The following EBF4 variants were observed in gnomAD, a reference collection of about 807,000 sequenced individuals.
The protein encoded by EBF4 is transcription factor COE4.
Under a neutral mutation model 67.1 loss-of-function variants are expected in EBF4, and 34 were observed. The observed-to-expected ratio is 0.51, with a 90% CI of 0.39 to 0.67. The LOEUF (loss-of-function observed/expected upper bound fraction) is 0.67, where lower values mean the gene tolerates loss of function less well. EBF4 is among the 30% of genes least tolerant of loss of function. EBF4 has a pLI of 0.00. For synonymous variants in EBF4, 387 were observed against 377.7 expected, an observed-to-expected ratio of 1.02 and a Z score of -0.29; for missense variants, 837 against 873.3, an observed-to-expected ratio of 0.96 and a Z score of 0.52.
exon 9 of EBF4, chr20:2,749,739 C>T: frequency 6.5e-7 from 1 of 1,545,414 alleles, no homozygotes; most frequent in Non-Finnish European, 8.7e-7. Flanking sequence ...CGGAAACGTG[C>T]TCGTGTGGAG....
chr20:2,757,496 C>T (rs2088263164), intron 15 of EBF4, among the ~76,000 whole-genome samples: 1 of 152,300 alleles, frequency 6.6e-6, no homozygotes, highest in Non-Finnish European at 1.5e-5. Context: ...GTGACCCATC[C>T]AGAGGGTAGC....
chr20:2,711,014 G>A (rs996240705), intron 6 of EBF4, among the ~76,000 whole-genome samples: 1 of 151,978 alleles, frequency 6.6e-6, no homozygotes, highest in African/African-American at 2.4e-5. Context: ...TGGGCATGGT[G>A]GTGTACATCT....
chr20:2,715,319 A>T (rs994120792), intron 6 of EBF4, among the ~76,000 whole-genome samples: 1 of 152,190 alleles, frequency 6.6e-6, no homozygotes, highest in Admixed American at 6.5e-5. Flanking sequence ...TAAATTCAGC[A>T]TATTTCTAAG....
intron 6 of EBF4, among the ~76,000 whole-genome samples, chr20:2,740,743 A>T (rs780836558): frequency 3.0e-4 from 46 of 152,030 alleles, no homozygotes; most frequent in Non-Finnish European, 5.7e-4. Context: ...GTATAGAGGG[A>T]GTTTAACAAG....
intron 6 of EBF4, among the ~76,000 whole-genome samples, chr20:2,724,277 C>T (rs980166172): frequency 6.6e-6 from 1 of 152,214 alleles, no homozygotes; most frequent in Non-Finnish European, 1.5e-5. Flanking sequence ...CACTACTGAT[C>T]TTAGGCCATT....
chr20:2,709,538 G>T, intron 5 of EBF4, 36 bp from the exon 6 acceptor site: 1 of 1,532,348 alleles, frequency 6.5e-7, no homozygotes. Flanking sequence ...TCCTTCCTTG[G>T]CTTCTGCCTT....
In EBF4 at chr20:2,707,988, C is replaced by A. The variant is rs771802381; in HGVS notation, c.456C>A (p.Cys152Ter). Reference sequence around the variant, plus strand: ...GGCAGGACAAGAACCCCGAAATGTGCCGAGTGCTGCTCACCCATGAGATCA... The same window carrying A: ...GGCAGGACAAGAACCCCGAAATGTGACGAGTGCTGCTCACCCATGAGATCA... Residue 152 changes from cysteine (C) to a stop codon, truncating the protein, a stop_gained, in exon 5 of 17, where the codon TGC (cysteine) becomes TGA (stop). Coordinates refer to ENST00000609451, the Ensembl canonical transcript of EBF4. LOFTEE classifies it high-confidence loss of function. This position sits in a 1 kb window ranked among gnomAD's most constrained non-coding sequence, Gnocchi z 4.6. The A allele has an allele frequency of 6.2e-7, 1 of 1,608,904 alleles. No individual in the cohort carries two copies. Among genetic ancestry groups the A allele is most frequent in the Non-Finnish European group, 8.5e-7 (1 of 1,177,346 alleles).
In EBF4 at chr20:2,693,680, G is replaced by A. The variant is rs2087245176; in HGVS notation, c.35G>A (p.Gly12Glu). ...GCGCAGGACGCTCTGCCCCGCAGCG[G>A]GCTGAACCTGAAGGAGGAGCCGCTG... is the stretch of plus-strand genomic sequence containing the variant. Residue 12 changes from glycine (G) to glutamate (E), a missense_variant, in exon 1 of 17, where the codon GGG becomes GAG. Physicochemically the swap from Gly to Glu is moderately conservative, Grantham distance 98. Around this residue, in one of 3 missense-constraint regions of EBF4, gnomAD observed 86 missense variants for 70.3 expected, o/e 1.22. Coordinates refer to ENST00000609451, the Ensembl canonical transcript of EBF4. This position sits in a 1 kb window ranked among gnomAD's most constrained non-coding sequence, Gnocchi z 4.6. The A allele has an allele frequency of 6.9e-7, 1 of 1,441,570 alleles. No homozygotes were observed. The highest frequency in any genetic ancestry group is 9.1e-7 in the Non-Finnish European group (1 of 1,103,350). 89.3% of individuals were successfully genotyped at this position (1,441,570 alleles called of 1,614,324 possible). A position where few individuals can be genotyped will look rare whatever the true frequency, so the allele number is the denominator to read the frequency against.
At chr20:2,693,541 C>A, upstream of EBF4, 1 of 1,266,316 alleles carries the variant, frequency 7.9e-7, no homozygotes, top group Non-Finnish European at 1.0e-6. This position sits in a 1 kb window ranked among gnomAD's most constrained non-coding sequence, Gnocchi z 4.6. Context: ...CGGCGCTGCG[C>A]TGCTGGAGGC....
intron 6 of EBF4, among the ~76,000 whole-genome samples, chr20:2,713,602 G>C (rs1457988940): frequency 6.6e-6 from 1 of 152,192 alleles, no homozygotes; most frequent in Non-Finnish European, 1.5e-5. Flanking sequence ...TGCAGAACAG[G>C]TGAGTGGTTG....
chr20:2,759,236 G>C, intron 16 of EBF4, 32 bp from the exon 17 acceptor site: 2 of 548,668 alleles, frequency 3.6e-6, no homozygotes, highest in South Asian at 2.3e-5. Context: ...CTTCCTCCCC[G>C]ACCTTCTTCT....
intron 6 of EBF4, among the ~76,000 whole-genome samples, chr20:2,711,869 T>C (rs375109189): frequency 3.5e-4 from 54 of 152,288 alleles, no homozygotes; most frequent in East Asian, 1.3e-3. Flanking sequence ...TTTGAAGCTT[T>C]AGGGTATTTA....
At chr20:2,708,715 C>T (rs1054817577) in intron 5 of EBF4, among the ~76,000 whole-genome samples, 2 of 151,618 alleles carry the variant, frequency 1.3e-5, no homozygotes, top group Non-Finnish European at 2.9e-5. Flanking sequence ...AGATCCAGAC[C>T]CTGTCTCTAA....
intron 6 of EBF4, among the ~76,000 whole-genome samples, chr20:2,718,326 T>C (rs2087637723): frequency 6.6e-6 from 1 of 152,236 alleles, no homozygotes; most frequent in Non-Finnish European, 1.5e-5. Flanking sequence ...AAGCATTTCC[T>C]TCTCTTCAAA....
chr20:2,753,519 C>T (rs2088191062), intron 14 of EBF4, among the ~76,000 whole-genome samples: 1 of 152,252 alleles, frequency 6.6e-6, no homozygotes, highest in African/African-American at 2.4e-5. Flanking sequence ...GGGATCCCCC[C>T]ACTCCTGTCA....
At chr20:2,723,629 T>G (rs895812572) in intron 6 of EBF4, among the ~76,000 whole-genome samples, 17 of 152,136 alleles carry the variant, frequency 1.1e-4, no homozygotes, top group Admixed American at 4.6e-4. Context: ...GATTACAGGC[T>G]TGAGCCACCG....
In EBF4 at chr20:2,696,033, T is replaced by C. The variant is rs2087283880; in HGVS notation, c.137+2251T>C. Among the ~76,000 whole-genome samples the C allele has an allele frequency of 1.3e-5, 2 of 152,208 alleles. No individual in the cohort carries two copies. The highest frequency in any genetic ancestry group is 1.5e-5 in the Non-Finnish European group (1 of 68,024). On this transcript the variant is annotated intron_variant, in intron 1 of 16. Coordinates refer to ENST00000609451, the Ensembl canonical transcript of EBF4. This position sits in a 1 kb window ranked among gnomAD's most constrained non-coding sequence, Gnocchi z 4.7. ...CTTCCTCCCTGGCTTGAAGGTTAAC[T>C]GCACCCTGGTTACCACCTCAGCCTC...
chr20:2,712,133 C>T (rs2087552595), intron 6 of EBF4, among the ~76,000 whole-genome samples: 1 of 152,110 alleles, frequency 6.6e-6, no homozygotes, highest in Admixed American at 6.5e-5. Flanking sequence ...ACTTGTGGGT[C>T]ATTGTAAGGG....
At chr20:2,723,645 G>A (rs542359205) in intron 6 of EBF4, among the ~76,000 whole-genome samples, 13 of 152,324 alleles carry the variant, frequency 8.5e-5, no homozygotes, top group African/African-American at 2.4e-4. Flanking sequence ...CACCGCGCCC[G>A]GCCAGATGTT....
Sources: allele counts gnomAD v4.1 joint callset (sites outside exome capture counted in the v4.1 genomes callset), GRCh38; gene constraint gnomAD v4.1.1; regional missense constraint gnomAD v4.1.1; non-coding constraint Gnocchi (gnomAD v3.1); transcripts MANE v1.5; gene names NCBI Gene and HGNC (gene_info 2026-07-23, HGNC 2026-07-21).